Variants in MYT1 observed in about 807,000 individuals in gnomAD.
The protein encoded by MYT1 is myelin transcription factor I.
Under a neutral mutation model 123.0 loss-of-function variants are expected in MYT1, and 23 were observed. That is an observed-to-expected ratio of 0.19 (90% CI 0.13 to 0.26). MYT1 has a LOEUF of 0.26. MYT1 is among the 10% of genes least tolerant of loss of function. The pLI is 1.00. For synonymous variants in MYT1, 518 were observed against 575.3 expected, an observed-to-expected ratio of 0.90 and a Z score of 1.43; for missense variants, 1,125 against 1,472.5, an observed-to-expected ratio of 0.76 and a Z score of 3.86.
intron 1 of MYT1, among the ~76,000 whole-genome samples, chr20:64,173,289 T>A (rs1982342728): frequency 6.6e-6 from 1 of 152,120 alleles, no homozygotes; most frequent in African/African-American, 2.4e-5. Context: ...CAAGCAGCCC[T>A]CGGAGGCAGC....
rs929848980 is a variant in MYT1, at chr20:64,190,749, A to G, written c.-1+589A>G. Among the ~76,000 whole-genome samples, 2 of 148,230 alleles carry G rather than the reference A, an allele frequency of 1.3e-5. No homozygotes were observed. Among genetic ancestry groups the G allele is most frequent in the African/African-American group, 5.0e-5 (2 of 39,652 alleles). On this transcript the variant is annotated intron_variant, in intron 2 of 22. Coordinates refer to ENST00000328439, the MANE Select transcript of MYT1 (RefSeq NM_004535.3). This position sits in a 1 kb window ranked among gnomAD's most constrained non-coding sequence, Gnocchi z 4.1. The stretch of plus-strand genomic sequence containing the variant: ...TTTGGGAGGCTGAGGCAGGTGGATC[A>G]CTTGAGGTCAAGAGTTCAAGACCAG...
chr20:64,236,330 G>T (rs1190617439), intron 19 of MYT1, among the ~76,000 whole-genome samples: 1 of 145,730 alleles, frequency 6.9e-6, no homozygotes, highest in Non-Finnish European at 1.5e-5. Context: ...GGTGACCCTG[G>T]GCTGGCCGCG....
At chr20:64,216,606 C>T (rs1983845860) in intron 10 of MYT1, among the ~76,000 whole-genome samples, 1 of 152,254 alleles carries the variant, frequency 6.6e-6, no homozygotes, top group African/African-American at 2.4e-5. Flanking sequence ...CTAGCGTCTC[C>T]TGTAGATTCC....
chr20:64,205,885 C>T, intron 6 of MYT1, 85 bp downstream of exon 6: 1 of 1,553,680 alleles, frequency 6.4e-7, no homozygotes, highest in Non-Finnish European at 8.7e-7. Flanking sequence ...GAGGGGCTCA[C>T]TCCGGGCAAG....
At chr20:64,209,338 G>A (rs1983594819) in intron 7 of MYT1, among the ~76,000 whole-genome samples, 1 of 152,238 alleles carries the variant, frequency 6.6e-6, no homozygotes, top group Non-Finnish European at 1.5e-5. Flanking sequence ...TGCTCCCTCA[G>A]TGAGCCATGC....
rs1463870482 is a variant in MYT1, at chr20:64,166,519, C to T, written c.-99+1780C>T. 6.6e-6 allele frequency among the ~76,000 whole-genome samples: 1 copy of T among 152,140 alleles called. No homozygotes were observed. Among genetic ancestry groups the T allele is most frequent in the Non-Finnish European group, 1.5e-5 (1 of 68,024 alleles). On this transcript the variant is annotated intron_variant, in intron 1 of 22. Coordinates refer to ENST00000328439, the MANE Select transcript of MYT1 (RefSeq NM_004535.3). The surrounding 1 kb of genome is among the most constrained non-coding windows in gnomAD (Gnocchi z 4.9). ...CTCTGACCTCCTTGGGCCATGAATC[C>T]CTGAAGAGGGCCTGGTAGCCCTCTT...
intron 1 of MYT1, among the ~76,000 whole-genome samples, chr20:64,184,298 T>C (rs1982737546): frequency 1.3e-5 from 2 of 152,106 alleles, no homozygotes; most frequent in Admixed American, 1.3e-4. Context: ...ACATATGTGA[T>C]CCAGTGCGAG....
At chr20:64,188,209 A>G (rs373591576) in intron 1 of MYT1, among the ~76,000 whole-genome samples, 1 of 152,190 alleles carries the variant, frequency 6.6e-6, no homozygotes, top group African/African-American at 2.4e-5. Flanking sequence ...AGACTCTTGC[A>G]GTTCATGTCC....
chr20:64,213,528 C>G lies in MYT1; in HGVS notation c.1518-6C>G, dbSNP rs372873000. The G allele has an allele frequency of 1.9e-6, 3 of 1,612,942 alleles. No individual in the cohort carries two copies. Among genetic ancestry groups the G allele is most frequent in the Non-Finnish European group, 2.5e-6 (3 of 1,179,066 alleles). ...GCTCAGAAACCCCTCCTCTTCCTTC[C>G]TCTAGTTTGTCTGGGTGTCCCATTG... On this transcript the variant is annotated splice_polypyrimidine_tract_variant and splice_region_variant and intron_variant, in intron 9 of 22. Transcript: ENST00000328439. This position sits in a 1 kb window ranked among gnomAD's most constrained non-coding sequence, Gnocchi z 5.6.
rs1044497575 is a variant in MYT1, at chr20:64,232,676, A to G, written c.2897+291A>G. Among the ~76,000 whole-genome samples, 23 of 152,124 alleles carry G rather than the reference A, an allele frequency of 1.5e-4. No individual in the cohort carries two copies. Among genetic ancestry groups the G allele is most frequent in the African/African-American group, 5.6e-4 (23 of 41,392 alleles). ...GTTATGCTGGACACAGAGGCCACAC[A>G]TGAGCAGAGCCCTGGGTCTGACACT... On this transcript the variant is annotated intron_variant, in intron 19 of 22. Transcript: ENST00000328439. This position sits in a 1 kb window ranked among gnomAD's most constrained non-coding sequence, Gnocchi z 6.9.
chr20:64,224,155 G>A (rs1157332088), intron 16 of MYT1, among the ~76,000 whole-genome samples: 1 of 152,094 alleles, frequency 6.6e-6, no homozygotes, highest in East Asian at 1.9e-4. Flanking sequence ...CTCCTCCTGG[G>A]CACCGGGGCC....
chr20:64,235,310 TGTGGTGGGTGACCCTGGGCTGGCC>T (rs1169238944), intron 19 of MYT1, among the ~76,000 whole-genome samples: 1 of 71,754 alleles, frequency 1.4e-5, no homozygotes, highest in African/African-American at 6.7e-5. Context: ...CCGAGCTGGC[TGTGGTGGGTGACCCTGGGCTGGCC>T]GTGGTGGGTG....
rs1568722859 is a variant in MYT1, at chr20:64,235,900, ATGGCCGCGGTGGGTGACCCTGGGC to A, written c.2898-627_2898-604del. Among the ~76,000 whole-genome samples, 30 of 57,058 alleles carry A rather than the reference ATGGCCGCGGTGGGTGACCCTGGGC, an allele frequency of 5.3e-4. No individual in the cohort carries two copies. In the South Asian group the frequency reaches 0.016, roughly 30 times the overall value. The allele number at this position is 57,058 out of a possible 152,430, so 37.4% of individuals were successfully genotyped here. A position where few individuals can be genotyped will look rare whatever the true frequency, so the allele number is the denominator to read the frequency against. On this transcript the variant is annotated intron_variant, in intron 19 of 22. Transcript: ENST00000328439. ...GATGGTCATGGTGGGTGACCCTGGGATGGCCGCGGTGGGTGACCCTGGGCTGGCCGCGGTGGGTGACCCTGGGCT... is the reference window on the plus strand; with the variant it reads ...GATGGTCATGGTGGGTGACCCTGGGATGGCCGCGGTGGGTGACCCTGGGCT...
intron 1 of MYT1, among the ~76,000 whole-genome samples, chr20:64,169,854 A>T (rs1982196537): frequency 6.6e-6 from 1 of 152,208 alleles, no homozygotes; most frequent in African/African-American, 2.4e-5. Context: ...GTTCTCATGA[A>T]CGTGTTCTGT....
rs567420795 is a variant in MYT1, at chr20:64,238,446, AC to A, written c.3093+1057del. On this transcript the variant is annotated intron_variant, in intron 21 of 22. Transcript: ENST00000328439. ...TCTACTGGCAAACAGGCTCATGTTG[AC>A]TCTGCTCTGGTCTCTACTGGCAAAC... Among the ~76,000 whole-genome samples, 8 of 152,140 alleles carry A rather than the reference AC, an allele frequency of 5.3e-5. No individual in the cohort carries two copies. The East Asian group carries it at 1.5e-3, about 29-fold the overall frequency.
chr20:64,195,416 G>C (rs183757193), intron 2 of MYT1, among the ~76,000 whole-genome samples: 1,438 of 8,306 alleles, frequency 0.17, 43 homozygotes, highest in Middle Eastern at 0.25. Flanking sequence ...TTTTTTTTGA[G>C]ACGGAGTCTC....
intron 18 of MYT1, among the ~76,000 whole-genome samples, chr20:64,230,627 G>C (rs1984293674): frequency 6.6e-6 from 1 of 152,260 alleles, no homozygotes; most frequent in Non-Finnish European, 1.5e-5. Flanking sequence ...TCTGTGCCTG[G>C]TGCAGGTGTC....
chr20:64,220,081 C>A (rs544603528), intron 13 of MYT1, 99 bp downstream of exon 13: 4 of 1,398,392 alleles, frequency 2.9e-6, no homozygotes, highest in Non-Finnish European at 3.7e-6. Flanking sequence ...CTTCTCCTCA[C>A]AGGCTTCTGG....
Position 64,227,871 on chromosome 20 carries a change from T to C in MYT1, c.2592-17T>C. Reference sequence around the variant, plus strand: ...GTTCCAGCACTAAGGTGGCCTTTTTTCCTCTTTCGAAATCAGCTTGTCCGG... The same window carrying C: ...GTTCCAGCACTAAGGTGGCCTTTTTCCCTCTTTCGAAATCAGCTTGTCCGG... On this transcript the variant is annotated splice_polypyrimidine_tract_variant and intron_variant, in intron 17 of 22. Coordinates refer to ENST00000328439, the MANE Select transcript of MYT1 (RefSeq NM_004535.3). The C allele has an allele frequency of 6.2e-7, 1 of 1,610,376 alleles. No homozygotes were observed. The highest frequency in any genetic ancestry group is 8.5e-7 in the Non-Finnish European group (1 of 1,178,292).
Sources: gnomAD v4.1 joint callset for allele counts (sites outside exome capture counted in the v4.1 genomes callset) on GRCh38, gnomAD v4.1.1 for gene constraint, Gnocchi (gnomAD v3.1) non-coding constraint, MANE v1.5 for transcripts, NCBI Gene and HGNC (gene_info 2026-07-23, HGNC 2026-07-21) for gene names.